The following PRKCA variants were observed in gnomAD, a reference collection of about 807,000 sequenced individuals.
PRKCA encodes protein kinase C alpha.
In PRKCA, 27 loss-of-function variants were observed where a neutral mutation model predicts 87.0. The observed-to-expected ratio is 0.31, with a 90% CI of 0.23 to 0.43. PRKCA has a LOEUF of 0.43. PRKCA is among the 20% of genes least tolerant of loss of function. The pLI is 1.00. For synonymous variants in PRKCA, 329 were observed against 311.1 expected, an observed-to-expected ratio of 1.06 and a Z score of -0.61; for missense variants, 518 against 852.3, an observed-to-expected ratio of 0.61 and a Z score of 4.88.
At chr17:66,355,447 G>A (rs952036033) in intron 2 of PRKCA, among the ~76,000 whole-genome samples, 3 of 152,152 alleles carry the variant, frequency 2.0e-5, no homozygotes, top group Admixed American at 6.5e-5. Context: ...TGCTTCCTGG[G>A]TCTTGAATTT....
chr17:66,463,337 C>T (rs1470022778), intron 2 of PRKCA, among the ~76,000 whole-genome samples: 1 of 151,620 alleles, frequency 6.6e-6, no homozygotes, highest in African/African-American at 2.4e-5. Flanking sequence ...TGCAGCTACC[C>T]AGGAATTTGA....
At chr17:66,756,023 G>A (rs949719946) in intron 13 of PRKCA, among the ~76,000 whole-genome samples, 5 of 152,152 alleles carry the variant, frequency 3.3e-5, no homozygotes, top group Non-Finnish European at 5.9e-5. Flanking sequence ...ATCCGTAATC[G>A]GCAAATTGCT....
intron 2 of PRKCA, among the ~76,000 whole-genome samples, chr17:66,376,054 C>G (rs1909400136): frequency 6.6e-6 from 1 of 152,220 alleles, no homozygotes; most frequent in Non-Finnish European, 1.5e-5. Context: ...GTGCTGGGTA[C>G]AGAGCCACAT....
chr17:66,310,764 G>C (rs1905050236), intron 2 of PRKCA, among the ~76,000 whole-genome samples: 1 of 152,180 alleles, frequency 6.6e-6, no homozygotes, highest in Admixed American at 6.5e-5. Context: ...AAACAGAAAG[G>C]GGGCAGTAGC....
intron 2 of PRKCA, among the ~76,000 whole-genome samples, chr17:66,459,092 A>T (rs58134548): frequency 0.13 from 20,006 of 151,848 alleles, 1,434 homozygotes; most frequent in Middle Eastern, 0.2. Flanking sequence ...AGGGATAATG[A>T]TTGAGCACAC....
chr17:66,322,674 A>G (rs941427201), intron 2 of PRKCA, among the ~76,000 whole-genome samples: 21 of 129,908 alleles, frequency 1.6e-4, no homozygotes, highest in African/African-American at 4.5e-4. Flanking sequence ...GGGTCTTGCT[A>G]TGTTGTCCAG....
chr17:66,455,605 A>G (rs868838583), intron 2 of PRKCA, among the ~76,000 whole-genome samples: 17 of 152,322 alleles, frequency 1.1e-4, no homozygotes, highest in African/African-American at 3.4e-4. Context: ...AAACTTACTC[A>G]TCCATCAACT....
intron 2 of PRKCA, among the ~76,000 whole-genome samples, chr17:66,414,083 A>C (rs1263842228): frequency 1.3e-5 from 2 of 151,912 alleles, no homozygotes; most frequent in Non-Finnish European, 2.9e-5. Flanking sequence ...TAATTTCCCT[A>C]TCTATTTATA....
intron 3 of PRKCA, among the ~76,000 whole-genome samples, chr17:66,555,804 A>G (rs1968476584): frequency 6.6e-6 from 1 of 152,160 alleles, no homozygotes; most frequent in South Asian, 2.1e-4. Flanking sequence ...TAGCAATTTT[A>G]GACTGTCCTT....
At chr17:66,409,033 C>CAA (rs10661202) in intron 2 of PRKCA, among the ~76,000 whole-genome samples, 5,299 of 76,878 alleles carry the variant, frequency 0.069, 557 homozygotes, top group African/African-American at 0.21. Context: ...TCCCCAGTCT[C>CAA]AAAAAAAAAA....
chr17:66,427,116 C>T (rs1305671619), intron 2 of PRKCA, among the ~76,000 whole-genome samples: 1 of 152,118 alleles, frequency 6.6e-6, no homozygotes, highest in Non-Finnish European at 1.5e-5. Context: ...ACTGCAACCT[C>T]CACCTCCCGG....
intron 3 of PRKCA, among the ~76,000 whole-genome samples, chr17:66,511,468 G>A (rs1262235331): frequency 6.6e-6 from 1 of 152,098 alleles, no homozygotes; most frequent in Admixed American, 6.6e-5. Flanking sequence ...CCAGGATTTA[G>A]GTAATTCATC....
intron 2 of PRKCA, among the ~76,000 whole-genome samples, chr17:66,399,100 CTTT>C (rs143646957): frequency 6.8e-5 from 8 of 117,288 alleles, no homozygotes; most frequent in African/African-American, 2.2e-4. Flanking sequence ...CTTTTCTTTT[CTTT>C]TTTTTTTTTT....
intron 5 of PRKCA, among the ~76,000 whole-genome samples, chr17:66,647,113 T>C (rs1230076230): frequency 3.9e-5 from 1 of 25,974 alleles, no homozygotes; most frequent in Non-Finnish European, 6.7e-5. Flanking sequence ...ATGGTGTTCC[T>C]CGGGGGCCAT....
chr17:66,664,366 C>T (rs1415980513), intron 5 of PRKCA, among the ~76,000 whole-genome samples: 1 of 152,162 alleles, frequency 6.6e-6, no homozygotes, highest in Non-Finnish European at 1.5e-5. Flanking sequence ...CCAAGGCCAC[C>T]CCATCATTTC....
chr17:66,375,781 G>T (rs1909383733), intron 2 of PRKCA, among the ~76,000 whole-genome samples: 1 of 152,086 alleles, frequency 6.6e-6, no homozygotes, highest in Admixed American at 6.5e-5. Context: ...AGATACAGAG[G>T]CTCATAAACA....
In PRKCA at chr17:66,302,685, G is replaced by C. The variant is rs1022974961; in HGVS notation, c.-167G>C. 1.3e-4 allele frequency: 32 copies of C among 248,104 alleles called. No homozygotes were observed. Among genetic ancestry groups the C allele is most frequent in the Non-Finnish European group, 1.8e-4 (28 of 158,264 alleles). 15.4% of individuals were successfully genotyped at this position (248,104 alleles called of 1,614,324 possible). ...CTCCCGCTCCGCGCAGCACCAGCCC[G>C]ACTCTCCCCGGCCCCCGCCGCGCCC... On this transcript the variant is annotated 5_prime_UTR_variant, in exon 1 of 17. Transcript: ENST00000413366.
At chr17:66,680,012 A>T (rs1972446735) in intron 5 of PRKCA, among the ~76,000 whole-genome samples, 1 of 152,218 alleles carries the variant, frequency 6.6e-6, no homozygotes, top group African/African-American at 2.4e-5. Flanking sequence ...CAAAATAATG[A>T]ATTCTCTGGG....
At chr17:66,716,501 G>A (rs373127751) in intron 8 of PRKCA, among the ~76,000 whole-genome samples, 4 of 152,128 alleles carry the variant, frequency 2.6e-5, no homozygotes, top group Non-Finnish European at 4.4e-5. Context: ...TAAGGTCATT[G>A]GTGGGGAATC....
Sources: gnomAD v4.1 joint callset for allele counts (sites outside exome capture counted in the v4.1 genomes callset) on GRCh38, gnomAD v4.1.1 for gene constraint, MANE v1.5 for transcripts, NCBI Gene and HGNC (gene_info 2026-07-23, HGNC 2026-07-21) for gene names.